The following UNC13C variants were observed in gnomAD, a reference collection of about 807,000 sequenced individuals.
The protein encoded by UNC13C is protein unc-13 homolog C.
In UNC13C, 174 loss-of-function variants were observed where a neutral mutation model predicts 245.4. The observed-to-expected ratio is 0.71, with a 90% CI of 0.63 to 0.80. The LOEUF is 0.80. Among genes scored for constraint, UNC13C ranks in the 30% least tolerant of loss-of-function variants. The pLI is 0.00. For synonymous variants in UNC13C, 992 were observed against 895.1 expected (o/e 1.11, Z -1.93); for missense variants, 2,829 against 2,602.9 (o/e 1.09, Z -1.89).
chr15:53,979,907 T>C (rs1213812007), intron 1 of UNC13C, among the ~76,000 whole-genome samples: 1 of 152,190 alleles, frequency 6.6e-6, no homozygotes, highest in Non-Finnish European at 1.5e-5. Flanking sequence ...GGTTAAATTG[T>C]CAATAAATTA....
At chr15:54,264,794 G>A (rs541692291) in intron 9 of UNC13C, among the ~76,000 whole-genome samples, 1 of 151,622 alleles carries the variant, frequency 6.6e-6, no homozygotes, top group Non-Finnish European at 1.5e-5. Context: ...TTTGGTCCTC[G>A]AGTCAGGACA....
At chr15:54,339,284 A>G (rs2038669211) in intron 17 of UNC13C, among the ~76,000 whole-genome samples, 1 of 152,174 alleles carries the variant, frequency 6.6e-6, no homozygotes, top group African/African-American at 2.4e-5. Flanking sequence ...TTTTATTTCC[A>G]TAGGTTTTTG....
the UNC13C span, among the ~76,000 whole-genome samples, chr15:53,938,803 CTAA>C: frequency 6.6e-6 from 1 of 152,100 alleles, no homozygotes; most frequent in Non-Finnish European, 1.5e-5. Flanking sequence ...TTTGTTTGTA[CTAA>C]TGAGAGCAAA....
At chr15:54,629,442 T>G (rs975788983), downstream of UNC13C, 1 of 151,948 alleles carries the variant, frequency 6.6e-6, no homozygotes, top group Non-Finnish European at 1.5e-5. Flanking sequence ...TAAAAGTTTT[T>G]AAAAAAAAGT....
At chr15:54,249,720 C>G (rs867660687) in intron 7 of UNC13C, among the ~76,000 whole-genome samples, 1 of 152,142 alleles carries the variant, frequency 6.6e-6, no homozygotes, top group Non-Finnish European at 1.5e-5. Context: ...TTATCTACTA[C>G]TGATGCTTTC....
chr15:53,975,892 G>C (rs574665473), upstream of UNC13C, among the ~76,000 whole-genome samples: 13 of 152,238 alleles, frequency 8.5e-5, no homozygotes, highest in Non-Finnish European at 8.8e-5. Flanking sequence ...CCTATGGATG[G>C]GGTGAGTGTA....
chr15:54,371,881 A>C (rs770934024), intron 17 of UNC13C, among the ~76,000 whole-genome samples: 1 of 152,114 alleles, frequency 6.6e-6, no homozygotes, highest in Non-Finnish European at 1.5e-5. Context: ...ATATTTGTGG[A>C]ATGAAAAATA....
chr15:54,338,541 G>C, intron 17 of UNC13C, 52 bp downstream of exon 17: 1 of 1,590,406 alleles, frequency 6.3e-7, no homozygotes, highest in South Asian at 1.1e-5. Context: ...TCTAGTATCT[G>C]TTTCCATAAG....
chr15:54,601,454 G>A (rs1329500161), intron 30 of UNC13C, among the ~76,000 whole-genome samples: 2 of 152,144 alleles, frequency 1.3e-5, no homozygotes, highest in African/African-American at 4.8e-5. Context: ...AACAGGTTAG[G>A]GAGCTTTGGT....
At chr15:54,236,251 C>A (rs1181501223) in intron 5 of UNC13C, among the ~76,000 whole-genome samples, 179 bp from the exon 6 acceptor site, 3 of 152,164 alleles carry the variant, frequency 2.0e-5, no homozygotes, top group Non-Finnish European at 4.4e-5. Context: ...ATGATCCTGA[C>A]TGAAAAGATC....
At chr15:53,953,344 T>A in the UNC13C span, among the ~76,000 whole-genome samples, 1 of 152,192 alleles carries the variant, frequency 6.6e-6, no homozygotes, top group African/African-American at 2.4e-5. Context: ...CCCATGGGCA[T>A]CTGCCTCGTG....
intron 4 of UNC13C, among the ~76,000 whole-genome samples, chr15:54,199,867 G>A (rs2034467448): frequency 6.6e-6 from 1 of 151,996 alleles, no homozygotes. Flanking sequence ...AATGTAAATG[G>A]CCTAAATGTT....
chr15:53,898,849 T>G, the UNC13C span, among the ~76,000 whole-genome samples: 1 of 152,174 alleles, frequency 6.6e-6, no homozygotes, highest in Non-Finnish European at 1.5e-5. Context: ...TTATTGGTAA[T>G]AACTATGACT....
chr15:54,337,314 A>C (rs2038608407), intron 16 of UNC13C, among the ~76,000 whole-genome samples: 1 of 152,168 alleles, frequency 6.6e-6, no homozygotes, highest in Non-Finnish European at 1.5e-5. Flanking sequence ...TAAGCTAATA[A>C]TTTCCAAATT....
At chr15:54,270,543 C>T (rs1003926734) in intron 10 of UNC13C, among the ~76,000 whole-genome samples, 1 of 151,958 alleles carries the variant, frequency 6.6e-6, no homozygotes, top group South Asian at 2.1e-4. Context: ...GCATTAATAA[C>T]ATGATTATAT....
At chr15:54,500,798 G>T in intron 21 of UNC13C, 37 bp from the exon 22 acceptor site, 1 of 1,601,742 alleles carries the variant, frequency 6.2e-7, no homozygotes, top group Non-Finnish European at 8.5e-7. Flanking sequence ...CGCCTCTAAT[G>T]TACTGTTTGG....
At chr15:54,377,634 G>A (rs1469516741) in intron 17 of UNC13C, among the ~76,000 whole-genome samples, 4 of 152,202 alleles carry the variant, frequency 2.6e-5, no homozygotes, top group Admixed American at 6.5e-5. Flanking sequence ...AGGCCAGGAA[G>A]TTCAAGATGA....
At position 54,265,492 on chromosome 15, in the gene UNC13C, T is replaced by C; in HGVS notation, c.3814T>C (p.Tyr1272His). 1 of 1,536,172 alleles carries C rather than the reference T, an allele frequency of 6.5e-7. No individual in the cohort carries two copies. Among genetic ancestry groups the C allele is most frequent in the Non-Finnish European group, 8.8e-7 (1 of 1,137,142 alleles). The change falls in exon 10 of 33, where the codon TAT becomes CAT. Residue 1272 changes from tyrosine to histidine, a missense_variant. Coordinates refer to ENST00000260323, the MANE Select transcript of UNC13C (RefSeq NM_001080534.3). Reference protein sequence around the residue: ...NLNPVWDEKFYFECHNSTDRI... With the variant: ...NLNPVWDEKFHFECHNSTDRI... ...GAATCCAGTATGGGATGAGAAGTTT[T>C]ATTTGTGAGTATATAATGTGAAACC... is the stretch of plus-strand genomic sequence containing the variant.
chr15:54,476,720 T>G (rs1892763892), intron 19 of UNC13C, among the ~76,000 whole-genome samples: 1 of 150,474 alleles, frequency 6.6e-6, no homozygotes, highest in South Asian at 2.1e-4. Flanking sequence ...AGCCTTGTAG[T>G]ATAGTTTGAA....
Sources: allele counts gnomAD v4.1 joint callset (sites outside exome capture counted in the v4.1 genomes callset), GRCh38; gene constraint gnomAD v4.1.1; transcripts MANE v1.5; gene names NCBI Gene and HGNC (gene_info 2026-07-23, HGNC 2026-07-21).